GRM1: variants seen among roughly 807,000 people sequenced by gnomAD.
GRM1 encodes the protein glutamate metabotropic receptor 1.
GRM1 carries 33 observed loss-of-function variants against 90.9 expected under a neutral mutation model. The ratio of observed to expected loss-of-function variants is 0.36; its 90% CI spans 0.28 to 0.49. The LOEUF (loss-of-function observed/expected upper bound fraction) is 0.49, where lower values mean the gene tolerates loss of function less well. GRM1 is among the 20% of genes least tolerant of loss of function. GRM1 has a pLI of 0.99. For synonymous variants in GRM1, 700 were observed against 613.2 expected, an observed-to-expected ratio of 1.14 and a Z score of -2.09; for missense variants, 1,190 against 1,534.3, an observed-to-expected ratio of 0.78 and a Z score of 3.75.
chr6:146,089,904 C>T (rs968589789), intron 1 of GRM1, among the ~76,000 whole-genome samples: 6 of 152,044 alleles, frequency 3.9e-5, no homozygotes, highest in Non-Finnish European at 7.4e-5. Context: ...TTTCCGGTTA[C>T]AGGGGTTATC....
At chr6:146,184,367 C>T (rs1372891661) in intron 2 of GRM1, among the ~76,000 whole-genome samples, 1 of 152,114 alleles carries the variant, frequency 6.6e-6, no homozygotes, top group Non-Finnish European at 1.5e-5. Context: ...CCTTCTGAGA[C>T]AATCCATTGT....
chr6:146,366,404 A>T (rs535105271), intron 5 of GRM1, among the ~76,000 whole-genome samples: 22 of 152,316 alleles, frequency 1.4e-4, no homozygotes, highest in African/African-American at 5.0e-4. Context: ...TGTTAACTAT[A>T]GTCCCCCTAT....
At chr6:146,389,818 T>C (rs1422289917) in intron 6 of GRM1, among the ~76,000 whole-genome samples, 1 of 152,100 alleles carries the variant, frequency 6.6e-6, no homozygotes, top group African/African-American at 2.4e-5. Flanking sequence ...CTCATTCTAA[T>C]TTATACTAAT....
intron 1 of GRM1, among the ~76,000 whole-genome samples, chr6:146,124,368 A>G (rs1197559401): frequency 6.6e-6 from 1 of 152,214 alleles, no homozygotes; most frequent in East Asian, 1.9e-4. Context: ...GATTTCGAAG[A>G]GGACATTAAA....
At chr6:146,297,088 A>AT (rs1212106798) in intron 2 of GRM1, among the ~76,000 whole-genome samples, 2 of 151,756 alleles carry the variant, frequency 1.3e-5, no homozygotes, top group African/African-American at 2.4e-5. Context: ...ATTATATTTC[A>AT]TTTTTTGTAT....
chr6:146,130,701 A>T (rs983009209), intron 1 of GRM1, among the ~76,000 whole-genome samples: 4 of 152,170 alleles, frequency 2.6e-5, no homozygotes, highest in African/African-American at 9.7e-5. Flanking sequence ...AGAGTCTGAG[A>T]AAGGAGACAC....
At chr6:146,130,122 T>C (rs1776340546) in intron 1 of GRM1, among the ~76,000 whole-genome samples, 1 of 152,178 alleles carries the variant, frequency 6.6e-6, no homozygotes, top group Admixed American at 6.5e-5. Flanking sequence ...TACCACCATA[T>C]AGTTTTAACT....
intron 6 of GRM1, among the ~76,000 whole-genome samples, chr6:146,388,131 T>C (rs998559353): frequency 3.9e-5 from 6 of 152,082 alleles, no homozygotes. Flanking sequence ...TTCATAAAAC[T>C]TTGCATAAAT....
chr6:146,200,791 C>A (rs533916404), intron 2 of GRM1, among the ~76,000 whole-genome samples: 4 of 152,188 alleles, frequency 2.6e-5, no homozygotes, highest in African/African-American at 9.6e-5. Context: ...AATCTGAAAT[C>A]TGTAAAAGAG....
chr6:146,029,964 A>T lies in GRM1; in HGVS notation c.447A>T (p.Pro149=). The T allele has an allele frequency of 6.2e-7, 1 of 1,613,992 alleles. No individual in the cohort carries two copies. The highest frequency in any genetic ancestry group is 8.5e-7 in the Non-Finnish European group (1 of 1,179,940). ...RCLPDGQSLP[P]GRTKKPIAGV... ...TGCCTGACGGCCAGTCCCTCCCCCC[A>T]GGCAGGACTAAGAAGCCCATTGCGG... is the stretch of plus-strand genomic sequence containing the variant. The change falls in exon 1 of 8, where the codon CCA becomes CCT. Residue 149 remains proline, a synonymous_variant. Transcript: ENST00000282753.
At chr6:146,075,112 T>C (rs1359857197) in intron 1 of GRM1, among the ~76,000 whole-genome samples, 1 of 152,174 alleles carries the variant, frequency 6.6e-6, no homozygotes, top group African/African-American at 2.4e-5. Context: ...TGCTTCCTGA[T>C]AGTGTTCCAT....
At chr6:146,258,655 G>T (rs1781574798) in intron 2 of GRM1, among the ~76,000 whole-genome samples, 1 of 152,070 alleles carries the variant, frequency 6.6e-6, no homozygotes, top group Non-Finnish European at 1.5e-5. Flanking sequence ...AAAGTGCTGA[G>T]ATTATAGATG....
At chr6:146,138,082 T>C (rs1209080393) in intron 1 of GRM1, among the ~76,000 whole-genome samples, 10 of 152,204 alleles carry the variant, frequency 6.6e-5, no homozygotes, top group Admixed American at 5.9e-4. Flanking sequence ...TTTTCAAATA[T>C]AGGATTGCAT....
intron 2 of GRM1, among the ~76,000 whole-genome samples, chr6:146,179,141 G>A (rs1458889178): frequency 6.6e-6 from 1 of 152,144 alleles, no homozygotes; most frequent in Non-Finnish European, 1.5e-5. Flanking sequence ...GGAGAAAAGG[G>A]TATATTGAAG....
At chr6:146,105,088 T>C (rs966164860) in intron 1 of GRM1, among the ~76,000 whole-genome samples, 7 of 152,216 alleles carry the variant, frequency 4.6e-5, no homozygotes, top group Admixed American at 2.0e-4. Flanking sequence ...TGTAAAGTTT[T>C]CTGTGATGCA....
Position 146,433,927 on chromosome 6 carries a change from G to A in GRM1, c.2716G>A (p.Gly906Arg). 1 of 1,613,848 alleles carries A rather than the reference G, an allele frequency of 6.2e-7. No individual in the cohort carries two copies. The highest frequency in any genetic ancestry group is 8.5e-7 in the Non-Finnish European group (1 of 1,179,786). ...ACCAGGTGGAGGACAGGTGCCCAAG[G>A]GACAGCATATGTGGCACCGCCTCTC... The part of the protein sequence containing the change: ...SEPGGGQVPK[G>R]QHMWHRLSVH... The change falls in exon 8 of 8, where the codon GGA becomes AGA. Residue 906 changes from glycine (G) to arginine (R), a missense_variant. Around this residue, in one of 10 missense-constraint regions of GRM1, gnomAD observed 400 missense variants for 360.8 expected, o/e 1.11. Coordinates refer to ENST00000282753, the MANE Select transcript of GRM1 (RefSeq NM_001278064.2).
chr6:146,377,386 G>A (rs1318471441), intron 5 of GRM1, among the ~76,000 whole-genome samples: 1 of 152,134 alleles, frequency 6.6e-6, no homozygotes, highest in Non-Finnish European at 1.5e-5. Context: ...GGTGGTCTCA[G>A]ATGGAGATGA....
chr6:146,237,004 T>C (rs867192967), intron 2 of GRM1, among the ~76,000 whole-genome samples: 1 of 152,134 alleles, frequency 6.6e-6, no homozygotes, highest in Non-Finnish European at 1.5e-5. Context: ...TGCTCAATTT[T>C]AGTAAAATTT....
At chr6:146,354,112 T>C (rs1463007537) in intron 4 of GRM1, among the ~76,000 whole-genome samples, 1 of 152,198 alleles carries the variant, frequency 6.6e-6, no homozygotes, top group African/African-American at 2.4e-5. Context: ...ATATCAGTCA[T>C]TGTCAGCAAT....
Sources: gnomAD v4.1 joint callset for allele counts (sites outside exome capture counted in the v4.1 genomes callset) on GRCh38, gnomAD v4.1.1 for gene constraint, gnomAD v4.1.1 regional missense constraint, MANE v1.5 for transcripts, NCBI Gene and HGNC (gene_info 2026-07-23, HGNC 2026-07-21) for gene names.